DSCAM: variants seen among roughly 807,000 people sequenced by gnomAD.
DSCAM encodes the protein cell adhesion molecule DSCAM.
A neutral mutation model predicts 217.7 loss-of-function variants in DSCAM; 47 were observed. The ratio of observed to expected loss-of-function variants is 0.22; its 90% CI spans 0.17 to 0.28. The LOEUF (loss-of-function observed/expected upper bound fraction) is 0.28, where lower values mean the gene tolerates loss of function less well. DSCAM is among the 10% of genes least tolerant of loss of function. The pLI, the probability that DSCAM is intolerant of heterozygous loss-of-function variation, is 1.00. For synonymous variants in DSCAM, 1,056 were observed against 1,015.3 expected (o/e 1.04, Z -0.76); for missense variants, 2,080 against 2,618.3 (o/e 0.79, Z 4.49).
chr21:40,333,303 T>C (rs370516846), intron 8 of DSCAM, among the ~76,000 whole-genome samples: 14 of 152,312 alleles, frequency 9.2e-5, no homozygotes, highest in African/African-American at 3.1e-4. Flanking sequence ...TAAACTACAA[T>C]CCTGACCATT....
At chr21:40,130,931 GT>G (rs143870337) in intron 19 of DSCAM, among the ~76,000 whole-genome samples, 37,268 of 152,108 alleles carry the variant, frequency 0.25, 5,232 homozygotes, top group African/African-American at 0.39. Context: ...CAGGACGTGT[GT>G]CTGGCATAGA....
chr21:40,629,088 T>TGTGTGTG (rs1337118586), intron 3 of DSCAM, among the ~76,000 whole-genome samples: 6 of 13,282 alleles, frequency 4.5e-4, no homozygotes, highest in African/African-American at 9.0e-4. Context: ...TGTGTGTGTG[T>TGTGTGTG]GTGTGTGTGT....
intron 1 of DSCAM, among the ~76,000 whole-genome samples, chr21:40,745,851 T>A (rs930627055): frequency 6.6e-6 from 1 of 152,078 alleles, no homozygotes; most frequent in Non-Finnish European, 1.5e-5. Flanking sequence ...TTACAACAAT[T>A]AGTTAAGAGT....
intron 1 of DSCAM, among the ~76,000 whole-genome samples, chr21:40,834,379 C>T (rs57130760): frequency 0.12 from 17,534 of 149,070 alleles, 1,089 homozygotes; most frequent in Admixed American, 0.16. Flanking sequence ...TGCACTCCAG[C>T]CTGGGCGACA....
chr21:40,526,758 T>C (rs1056272592), intron 3 of DSCAM, among the ~76,000 whole-genome samples: 1 of 152,048 alleles, frequency 6.6e-6, no homozygotes, highest in African/African-American at 2.4e-5. Context: ...TATCAAAACA[T>C]TGTGTTATAT....
At chr21:40,560,923 A>G (rs2146184061) in intron 3 of DSCAM, among the ~76,000 whole-genome samples, 1 of 152,320 alleles carries the variant, frequency 6.6e-6, no homozygotes, top group East Asian at 1.9e-4. Context: ...AAATATTGTC[A>G]TAGTAAAGTC....
At chr21:40,528,769 T>C (rs1028646677) in intron 3 of DSCAM, among the ~76,000 whole-genome samples, 10 of 152,092 alleles carry the variant, frequency 6.6e-5, no homozygotes, top group African/African-American at 1.7e-4. Context: ...TGCTAAGTCA[T>C]TGTCTCTGCT....
chr21:40,432,056 C>T (rs1458838898), intron 3 of DSCAM, among the ~76,000 whole-genome samples: 6 of 151,848 alleles, frequency 4.0e-5, no homozygotes, highest in South Asian at 2.1e-4. Flanking sequence ...CAAAAAAATT[C>T]GCTAGGCATG....
At chr21:40,702,457 T>C (rs143247596) in intron 2 of DSCAM, among the ~76,000 whole-genome samples, 71 of 152,326 alleles carry the variant, frequency 4.7e-4, no homozygotes, top group African/African-American at 1.4e-3. Context: ...GTGGTTTACT[T>C]TAATTAGGTT....
chr21:40,547,498 C>A (rs1256334269), intron 3 of DSCAM, among the ~76,000 whole-genome samples: 1 of 152,196 alleles, frequency 6.6e-6, no homozygotes, highest in African/African-American at 2.4e-5. Flanking sequence ...AACCTTAATG[C>A]ACTGTTTGCA....
chr21:40,422,485 T>C (rs1052545576), intron 3 of DSCAM, among the ~76,000 whole-genome samples: 6 of 151,706 alleles, frequency 4.0e-5, no homozygotes, highest in African/African-American at 9.7e-5. Context: ...AATATATATA[T>C]ACAAAAATTA....
At chr21:40,361,615 C>T (rs922276446) in intron 4 of DSCAM, among the ~76,000 whole-genome samples, 1 of 150,416 alleles carries the variant, frequency 6.6e-6, no homozygotes, top group African/African-American at 2.5e-5. Context: ...GAGACTCCAT[C>T]TCAAAAACAA....
chr21:40,627,296 C>T (rs2089614580), intron 3 of DSCAM, among the ~76,000 whole-genome samples: 1 of 152,096 alleles, frequency 6.6e-6, no homozygotes, highest in Non-Finnish European at 1.5e-5. Flanking sequence ...GCTGAGTGGA[C>T]CAAATCTTAA....
intron 10 of DSCAM, among the ~76,000 whole-genome samples, chr21:40,292,165 C>T (rs1391476176): frequency 2.0e-5 from 3 of 146,728 alleles, no homozygotes; most frequent in Non-Finnish European, 4.5e-5. Context: ...TATCTAGACC[C>T]AAGGTCAAAA....
intron 1 of DSCAM, among the ~76,000 whole-genome samples, chr21:40,730,691 G>A (rs538366201): frequency 7.2e-5 from 11 of 152,022 alleles, no homozygotes; most frequent in Admixed American, 2.6e-4. Context: ...TGTTGCCAAG[G>A]CAACACAAAC....
At position 40,097,965 on chromosome 21, in the gene DSCAM, AGAAAG is replaced by A. The variant is rs1568939092; in HGVS notation, c.3697-4096_3697-4092del. Among the ~76,000 whole-genome samples, 44 of 57,968 alleles carry A rather than the reference AGAAAG, an allele frequency of 7.6e-4. 4 individuals are homozygous for A. The highest frequency in any genetic ancestry group is 2.9e-3 in the East Asian group (4 of 1,376). The allele number at this position is 57,968 out of a possible 152,430, so 38.0% of individuals were successfully genotyped here. A position where few individuals can be genotyped will look rare whatever the true frequency, so the allele number is the denominator to read the frequency against. On this transcript the variant is annotated intron_variant, in intron 20 of 32. Coordinates refer to ENST00000400454, the MANE Select transcript of DSCAM (RefSeq NM_001389.5). ...CAAAAAAAAAAAAAAAAAGAAAGAA[AGAAAG>A]AAAGAAAGAAAGAAAGAAAGAAAGA...
intron 3 of DSCAM, among the ~76,000 whole-genome samples, chr21:40,401,809 C>G: frequency 6.6e-6 from 1 of 150,646 alleles, no homozygotes; most frequent in South Asian, 2.1e-4. Context: ...CAAAGGGGCC[C>G]CATGTTCCCC....
At chr21:40,117,131 C>T (rs996882852) in intron 20 of DSCAM, among the ~76,000 whole-genome samples, 1 of 151,108 alleles carries the variant, frequency 6.6e-6, no homozygotes, top group African/African-American at 2.4e-5. Context: ...GGATACAAAG[C>T]ATCCCAAAGT....
At chr21:40,504,665 G>A (rs922470845) in intron 3 of DSCAM, among the ~76,000 whole-genome samples, 8 of 152,144 alleles carry the variant, frequency 5.3e-5, no homozygotes, top group African/African-American at 1.7e-4. Context: ...CCCGAGCTGT[G>A]CAACTTCTGG....
Sources: allele counts gnomAD v4.1 joint callset (sites outside exome capture counted in the v4.1 genomes callset), GRCh38; gene constraint gnomAD v4.1.1; transcripts MANE v1.5; gene names NCBI Gene and HGNC (gene_info 2026-07-23, HGNC 2026-07-21).